The following CNTNAP5 variants were observed in gnomAD, a reference collection of about 807,000 sequenced individuals.
The protein encoded by CNTNAP5 is contactin associated protein family member 5.
In CNTNAP5, 72 loss-of-function variants were observed where a neutral mutation model predicts 150.2. That is an observed-to-expected ratio of 0.48 (90% CI 0.40 to 0.58). The LOEUF is 0.58. CNTNAP5 is among the 20% of genes least tolerant of loss of function. The pLI is 0.00. For synonymous variants in CNTNAP5, 672 were observed against 619.8 expected, an observed-to-expected ratio of 1.08 and a Z score of -1.25; for missense variants, 1,636 against 1,626.2, an observed-to-expected ratio of 1.01 and a Z score of -0.10.
At chr2:124,506,490 C>A (rs567525536) in intron 8 of CNTNAP5, among the ~76,000 whole-genome samples, 1 of 152,224 alleles carries the variant, frequency 6.6e-6, no homozygotes, top group Non-Finnish European at 1.5e-5. Context: ...TTTTTCTTTT[C>A]TCATAGTTAT....
At chr2:124,873,254 A>G (rs1384741772) in intron 21 of CNTNAP5, among the ~76,000 whole-genome samples, 1 of 151,912 alleles carries the variant, frequency 6.6e-6, no homozygotes, top group Non-Finnish European at 1.5e-5. Flanking sequence ...TCACCAACTT[A>G]CTCACCATTG....
intron 1 of CNTNAP5, among the ~76,000 whole-genome samples, chr2:124,118,214 C>A (rs1445547591): frequency 6.6e-6 from 1 of 151,794 alleles, no homozygotes; most frequent in Non-Finnish European, 1.5e-5. Flanking sequence ...AAAATACATA[C>A]ACACACACAC....
intron 1 of CNTNAP5, among the ~76,000 whole-genome samples, chr2:124,190,574 G>T (rs1685435346): frequency 6.6e-6 from 1 of 152,062 alleles, no homozygotes; most frequent in African/African-American, 2.4e-5. Context: ...TGTAGAAAAA[G>T]AAAACCGAAA....
At chr2:124,188,395 C>T (rs1685380290) in intron 1 of CNTNAP5, among the ~76,000 whole-genome samples, 1 of 152,018 alleles carries the variant, frequency 6.6e-6, no homozygotes, top group African/African-American at 2.4e-5. Flanking sequence ...TATAAGTTAA[C>T]AGAAACATCT....
intron 1 of CNTNAP5, among the ~76,000 whole-genome samples, chr2:124,111,114 A>G (rs1281396860): frequency 6.6e-6 from 1 of 152,218 alleles, no homozygotes; most frequent in East Asian, 1.9e-4. Flanking sequence ...TAAACCCTTG[A>G]TCAGATGCCT....
chr2:124,437,925 C>T (rs1161792599), intron 5 of CNTNAP5, among the ~76,000 whole-genome samples: 1 of 152,126 alleles, frequency 6.6e-6, no homozygotes, highest in East Asian at 1.9e-4. Context: ...GACAATTCTT[C>T]ATCTGCAATG....
At chr2:124,655,945 G>GAGAGAGAGAGAGAGAAAGAAAGAA (rs1553427800) in intron 13 of CNTNAP5, among the ~76,000 whole-genome samples, 1 of 55,490 alleles carries the variant, frequency 1.8e-5, no homozygotes, top group Admixed American at 2.4e-4. Context: ...GAGAGAGAGA[G>GAGAGAGAGAGAGAGAAAGAAAGAA]AGAAAGAAAG....
At chr2:124,707,143 A>AGAG (rs1238003371) in intron 13 of CNTNAP5, among the ~76,000 whole-genome samples, 2 of 27,998 alleles carry the variant, frequency 7.1e-5, no homozygotes, top group African/African-American at 2.1e-4. Context: ...AAGAAGAGGA[A>AGAG]GAAGAAGAAG....
At chr2:124,656,060 CAAA>C (rs35504704) in intron 13 of CNTNAP5, among the ~76,000 whole-genome samples, 12 of 123,414 alleles carry the variant, frequency 9.7e-5, no homozygotes, top group Non-Finnish European at 1.5e-4. Flanking sequence ...GACTTTATCT[CAAA>C]AAAAAAAAAA....
intron 1 of CNTNAP5, among the ~76,000 whole-genome samples, chr2:124,079,801 C>T (rs1682520072): frequency 1.3e-5 from 2 of 152,008 alleles, no homozygotes; most frequent in Admixed American, 1.3e-4. Flanking sequence ...ACTTGGAAAG[C>T]CACTGACAAA....
chr2:124,232,417 G>A (rs1308113310), intron 2 of CNTNAP5, among the ~76,000 whole-genome samples: 2 of 152,078 alleles, frequency 1.3e-5, no homozygotes, highest in Non-Finnish European at 2.9e-5. Context: ...TCTTCTTCTC[G>A]AGAAGCCTTT....
At chr2:124,520,135 C>T (rs1051546521) in intron 8 of CNTNAP5, among the ~76,000 whole-genome samples, 6 of 152,158 alleles carry the variant, frequency 3.9e-5, no homozygotes, top group East Asian at 3.9e-4. Flanking sequence ...TCATGCAGCA[C>T]GTCCTATTTA....
At chr2:124,535,326 C>T (rs753239803) in intron 10 of CNTNAP5, among the ~76,000 whole-genome samples, 6 of 152,164 alleles carry the variant, frequency 3.9e-5, no homozygotes, top group African/African-American at 9.7e-5. Flanking sequence ...GGAGACTTTT[C>T]GCTGTAATCC....
chr2:124,631,547 C>G (rs1004544764), intron 12 of CNTNAP5, among the ~76,000 whole-genome samples: 4 of 152,148 alleles, frequency 2.6e-5, no homozygotes, highest in African/African-American at 9.7e-5. Flanking sequence ...TAGATCCCTT[C>G]CTTACACCTT....
chr2:124,655,256 G>C (rs1254168681), intron 13 of CNTNAP5, among the ~76,000 whole-genome samples: 1 of 151,978 alleles, frequency 6.6e-6, no homozygotes, highest in Non-Finnish European at 1.5e-5. Flanking sequence ...TTGGTTTTCT[G>C]TTCTTGTGTT....
intron 13 of CNTNAP5, among the ~76,000 whole-genome samples, chr2:124,695,771 C>T (rs1350773007): frequency 3.3e-5 from 5 of 152,148 alleles, no homozygotes; most frequent in Admixed American, 3.3e-4. Flanking sequence ...CCCCATTGCC[C>T]AGGCTGTCCT....
intron 3 of CNTNAP5, among the ~76,000 whole-genome samples, chr2:124,413,522 A>G (rs1184577549): frequency 7.3e-6 from 1 of 136,140 alleles, no homozygotes; most frequent in Admixed American, 7.6e-5. Context: ...AAAATGTGGC[A>G]CATATACACC....
chr2:124,262,236 C>A (rs1416937004), intron 3 of CNTNAP5, among the ~76,000 whole-genome samples: 1 of 151,940 alleles, frequency 6.6e-6, no homozygotes. Flanking sequence ...CAGACTGGGA[C>A]CCTGTCTCAA....
intron 4 of CNTNAP5, among the ~76,000 whole-genome samples, chr2:124,426,256 T>A (rs1164543090): frequency 6.6e-6 from 1 of 152,184 alleles, no homozygotes; most frequent in Non-Finnish European, 1.5e-5. Context: ...AAAAGCTATG[T>A]TAGGAGTTGT....
Sources: gnomAD v4.1 joint callset for allele counts (sites outside exome capture counted in the v4.1 genomes callset) on GRCh38, gnomAD v4.1.1 for gene constraint, MANE v1.5 for transcripts, NCBI Gene and HGNC (gene_info 2026-07-23, HGNC 2026-07-21) for gene names.